ATAD2B: variants seen among roughly 807,000 people sequenced by gnomAD.
ATAD2B encodes the protein ATPase family AAA domain-containing protein 2B.
Under a neutral mutation model 167.6 loss-of-function variants are expected in ATAD2B, and 40 were observed. The ratio of observed to expected loss-of-function variants is 0.24; its 90% CI spans 0.19 to 0.31. The LOEUF is 0.31. Ranked by LOEUF, ATAD2B falls within the 10% of genes least tolerant of loss-of-function variation. The pLI, the probability that ATAD2B is intolerant of heterozygous loss-of-function variation, is 1.00. For synonymous variants in ATAD2B, 579 were observed against 596.5 expected (o/e 0.97, Z 0.43); for missense variants, 1,242 against 1,757.2 (o/e 0.71, Z 5.24).
the ATAD2B span, among the ~76,000 whole-genome samples, chr2:23,741,651 G>A: frequency 6.6e-6 from 1 of 151,868 alleles, no homozygotes; most frequent in Admixed American, 6.6e-5. Context: ...GGGCAAGGAC[G>A]TCATGTCTAA....
the ATAD2B span, chr2:23,703,480 C>A: frequency 8.8e-7 from 1 of 1,138,572 alleles, no homozygotes; most frequent in Non-Finnish European, 1.2e-6. Flanking sequence ...AGCCCAACAG[C>A]TCTGCAGACC....
the ATAD2B span, among the ~76,000 whole-genome samples, chr2:23,728,722 G>A: frequency 2.6e-5 from 4 of 152,108 alleles, no homozygotes; most frequent in Admixed American, 2.0e-4. Flanking sequence ...GTTTGTTTTG[G>A]TGATATGGGT....
chr2:23,760,202 T>A (rs1292385710), intron 24 of ATAD2B, among the ~76,000 whole-genome samples: 8 of 152,208 alleles, frequency 5.3e-5, no homozygotes, highest in African/African-American at 1.9e-4. Flanking sequence ...ATTTTTCTCT[T>A]CCTTATATAA....
the ATAD2B span, among the ~76,000 whole-genome samples, chr2:23,701,161 C>T: frequency 6.6e-6 from 1 of 152,344 alleles, no homozygotes; most frequent in Admixed American, 6.5e-5. Flanking sequence ...CCACCAGTCC[C>T]AAGCCAGACC....
At chr2:23,802,880 T>C (rs963903027) in intron 18 of ATAD2B, among the ~76,000 whole-genome samples, 1 of 152,026 alleles carries the variant, frequency 6.6e-6, no homozygotes, top group Non-Finnish European at 1.5e-5. Context: ...GGGAAAGAAA[T>C]GCATTTAAAT....
At chr2:23,695,230 T>C in the ATAD2B span, among the ~76,000 whole-genome samples, 31 of 152,144 alleles carry the variant, frequency 2.0e-4, no homozygotes, top group Non-Finnish European at 3.8e-4. This position sits in a 1 kb window ranked among gnomAD's most constrained non-coding sequence, Gnocchi z 7.6. Flanking sequence ...TCCTGAGTCC[T>C]TGTCACACTC....
chr2:23,776,215 A>C (rs1418776099), intron 22 of ATAD2B, among the ~76,000 whole-genome samples: 1 of 152,218 alleles, frequency 6.6e-6, no homozygotes, highest in Non-Finnish European at 1.5e-5. Flanking sequence ...TCCTGCCCAT[A>C]AATCTGTTCC....
intron 18 of ATAD2B, chr2:23,809,217 T>C (rs150997250): frequency 3.1e-4 from 47 of 152,292 alleles, no homozygotes; most frequent in African/African-American, 1.0e-3. Flanking sequence ...ATCAACATTA[T>C]TGGAAAACAC....
chr2:23,808,538 T>G (rs1048001762), intron 18 of ATAD2B, among the ~76,000 whole-genome samples: 2 of 152,124 alleles, frequency 1.3e-5, no homozygotes, highest in African/African-American at 4.8e-5. Flanking sequence ...TCCATTATAT[T>G]TCTAACTTAT....
intron 1 of ATAD2B, among the ~76,000 whole-genome samples, chr2:23,919,754 A>G (rs1703624004): frequency 6.6e-6 from 1 of 151,894 alleles, no homozygotes; most frequent in South Asian, 2.1e-4. Flanking sequence ...GAGGCAGGAG[A>G]ATCACTTGAA....
chr2:23,691,551 C>G, the ATAD2B span: 56 of 722,900 alleles, frequency 7.7e-5, no homozygotes, highest in Admixed American at 7.4e-4. Flanking sequence ...TGTGTCATTG[C>G]CGTGTCCTTT....
chr2:23,768,270 G>A (rs544719008), intron 22 of ATAD2B, among the ~76,000 whole-genome samples: 5 of 152,128 alleles, frequency 3.3e-5, no homozygotes, highest in Admixed American at 6.5e-5. Flanking sequence ...GGAAGTGATC[G>A]TGCCCGTAGT....
chr2:23,794,679 CAT>C (rs929533974), intron 19 of ATAD2B, among the ~76,000 whole-genome samples: 1 of 151,758 alleles, frequency 6.6e-6, no homozygotes, highest in Admixed American at 6.6e-5. Context: ...TATTATAAAC[CAT>C]ATACACATGA....
At chr2:23,693,838 C>T in the ATAD2B span, among the ~76,000 whole-genome samples, 1 of 152,176 alleles carries the variant, frequency 6.6e-6, no homozygotes, top group African/African-American at 2.4e-5. Context: ...GGAGCCCATA[C>T]CTGCTCTGAT....
chr2:23,682,473 C>T, the ATAD2B span, among the ~76,000 whole-genome samples: 1 of 152,208 alleles, frequency 6.6e-6, no homozygotes, highest in Non-Finnish European at 1.5e-5. This position sits in a 1 kb window ranked among gnomAD's most constrained non-coding sequence, Gnocchi z 4.1. Context: ...CCCATCCTGC[C>T]TCTGTGTGGA....
At chr2:23,737,130 A>G in the ATAD2B span, among the ~76,000 whole-genome samples, 2 of 152,250 alleles carry the variant, frequency 1.3e-5, no homozygotes, top group Non-Finnish European at 2.9e-5. Flanking sequence ...GGCAGGGCAC[A>G]GACAAACAAA....
intron 18 of ATAD2B, among the ~76,000 whole-genome samples, chr2:23,809,680 T>G (rs946252494): frequency 2.6e-5 from 4 of 152,128 alleles, no homozygotes; most frequent in Non-Finnish European, 4.4e-5. Flanking sequence ...CTTGTCAGAG[T>G]TACAAAAATG....
Position 23,752,481 on chromosome 2 carries a change from A to C in ATAD2B, c.4336-394T>G, listed in dbSNP as rs1675465237. ...AATACATAAATATAAGTAAATATTTATATTTATATGTATGCATATATATAT... is the reference window on the plus strand; with the variant it reads ...AATACATAAATATAAGTAAATATTTCTATTTATATGTATGCATATATATAT... On this transcript the variant is annotated intron_variant, in intron 27 of 27. Transcript: ENST00000238789. 2.0e-5 allele frequency among the ~76,000 whole-genome samples: 3 copies of C among 149,810 alleles called. No individual in the cohort carries two copies. In the Admixed American group the frequency reaches 2.0e-4, roughly 10 times the overall value.
chr2:23,786,132 C>T lies in ATAD2B; in HGVS notation c.2868G>A (p.Glu956=). 3 of 1,607,694 alleles carry T rather than the reference C, an allele frequency of 1.9e-6. No individual in the cohort carries two copies. The highest frequency in any genetic ancestry group is 1.7e-6 in the Non-Finnish European group (2 of 1,176,856). ...ACCGCAACTCTCTTAAAGTATTTTC[C>T]TCCTGGTCCTCCATTCGACTTTTTT... ...ESEKSRMEDQ[E]ENTLRELRLF... The change falls in exon 21 of 28, where the codon GAG becomes GAA. Residue 956 remains glutamate (E), a synonymous_variant. Coordinates refer to ENST00000238789, the MANE Select transcript of ATAD2B (RefSeq NM_017552.4).
Sources: allele counts gnomAD v4.1 joint callset (sites outside exome capture counted in the v4.1 genomes callset), GRCh38; gene constraint gnomAD v4.1.1; non-coding constraint Gnocchi (gnomAD v3.1); transcripts MANE v1.5; gene names NCBI Gene and HGNC (gene_info 2026-07-23, HGNC 2026-07-21).